PCDHAC2: variants seen among roughly 807,000 people sequenced by gnomAD.
PCDHAC2 encodes the protein protocadherin alpha subfamily C, 2.
Under a neutral mutation model 63.3 loss-of-function variants are expected in PCDHAC2, and 24 were observed. The observed-to-expected ratio is 0.38, with a 90% CI of 0.27 to 0.53. The LOEUF (loss-of-function observed/expected upper bound fraction) is 0.53, where lower values mean the gene tolerates loss of function less well. PCDHAC2 is among the 20% of genes least tolerant of loss of function. The probability of loss-of-function intolerance (pLI) is 0.81; values close to 1 mark genes in which losing one functional copy is unlikely to be tolerated. For missense variants in PCDHAC2, 1,181 were observed against 1,275.2 expected, an observed-to-expected ratio of 0.93 and a Z score of 1.12; for synonymous variants, 569 against 529.4, an observed-to-expected ratio of 1.07 and a Z score of -1.03.
chr5:140,993,462 TCACACACACACACACACACACACA>T (rs3836747), intron 3 of PCDHAC2, among the ~76,000 whole-genome samples: 3 of 140,938 alleles, frequency 2.1e-5, no homozygotes, highest in African/African-American at 5.3e-5. Flanking sequence ...TCTTTCTTTC[TCACACACACACACACACACACACA>T]CACACACACA....
intron 1 of PCDHAC2, among the ~76,000 whole-genome samples, chr5:140,974,558 C>A (rs984567503): frequency 4.5e-4 from 68 of 152,132 alleles, no homozygotes; most frequent in African/African-American, 1.6e-3. Context: ...GTTGCCCAGG[C>A]TGGAGTGCAA....
rs145919251 is a variant in PCDHAC2, at chr5:140,979,502, C to T, written c.2624+495C>T. On this transcript the variant is annotated intron_variant, in intron 2 of 3. Coordinates refer to ENST00000289269, the MANE Select transcript of PCDHAC2 (RefSeq NM_018899.6). Reference sequence around the variant, plus strand: ...GTGTTCACACCTATTAGAGCCTCCTCATCTTTCCCATCTGTTGCTATCTTA... The same window carrying T: ...GTGTTCACACCTATTAGAGCCTCCTTATCTTTCCCATCTGTTGCTATCTTA... 1.1e-3 allele frequency among the ~76,000 whole-genome samples: 170 copies of T among 152,258 alleles called. 4 individuals are homozygous for T. In the East Asian group the frequency reaches 0.028, roughly 25 times the overall value.
intron 3 of PCDHAC2, among the ~76,000 whole-genome samples, chr5:140,985,001 G>A (rs1554246727): frequency 1.3e-5 from 2 of 151,944 alleles, no homozygotes; most frequent in South Asian, 2.1e-4. Flanking sequence ...CCAGTGGCAC[G>A]ATATCGGCTC....
At chr5:140,993,543 G>C (rs1263683239) in intron 3 of PCDHAC2, among the ~76,000 whole-genome samples, 1 of 151,590 alleles carries the variant, frequency 6.6e-6, no homozygotes, top group Non-Finnish European at 1.5e-5. Context: ...GAGAGATAGA[G>C]AAGTGAAGTA....
intron 2 of PCDHAC2, among the ~76,000 whole-genome samples, chr5:140,980,905 A>G (rs182283088): frequency 1.5e-4 from 23 of 152,274 alleles, no homozygotes; most frequent in Admixed American, 1.4e-3. Context: ...ACATCATGTA[A>G]CTATTCTTTA....
chr5:141,004,869 A>T (rs908726845), intron 3 of PCDHAC2, among the ~76,000 whole-genome samples: 3 of 152,218 alleles, frequency 2.0e-5, no homozygotes, highest in Non-Finnish European at 2.9e-5. Flanking sequence ...TTTGTTTCTC[A>T]TCCCTAAAGT....
At chr5:140,971,807 T>C in intron 1 of PCDHAC2, among the ~76,000 whole-genome samples, 1 of 152,270 alleles carries the variant, frequency 6.6e-6, no homozygotes, top group Middle Eastern at 3.4e-3. Context: ...TATTATAATA[T>C]TGAATACATA....
At position 141,010,397 on chromosome 5, in the gene PCDHAC2, A is replaced by C; in HGVS notation, c.*460A>C. On this transcript the variant is annotated 3_prime_UTR_variant, in exon 4 of 4. Coordinates refer to ENST00000289269, the MANE Select transcript of PCDHAC2 (RefSeq NM_018899.6). ...TGCCAGATATTGGCTGAGACGAGCC[A>C]GCTTAGACTAATTGGTACAAGGAAG... 7.5e-7 allele frequency: 1 copy of C among 1,329,462 alleles called. No individual in the cohort carries two copies. The highest frequency in any genetic ancestry group is 1.0e-6 in the Non-Finnish European group (1 of 994,158). The allele number at this position is 1,329,462 out of a possible 1,614,324, so 82.4% of individuals were successfully genotyped here.
chr5:140,966,955 C>T lies in PCDHAC2; in HGVS notation c.189C>T (p.Arg63=). The change falls in exon 1 of 4, where the codon CGC becomes CGT. Residue 63 remains arginine (R), a synonymous_variant. Coordinates refer to ENST00000289269, the MANE Select transcript of PCDHAC2 (RefSeq NM_018899.6). ...APGALVGNVA[R]ALGLELRRLG... Reference sequence around the variant, plus strand: ...GCGCGCTCGTGGGCAACGTGGCTCGCGCGCTGGGGCTTGAGCTGCGGCGCT... The same window carrying T: ...GCGCGCTCGTGGGCAACGTGGCTCGTGCGCTGGGGCTTGAGCTGCGGCGCT... 6.2e-7 allele frequency: 1 copy of T among 1,602,734 alleles called. No homozygotes were observed. The highest frequency in any genetic ancestry group is 2.2e-5 in the East Asian group (1 of 44,646).
chr5:141,011,104 C>G lies in PCDHAC2; in HGVS notation c.*1167C>G, dbSNP rs1396728499. The G allele has an allele frequency of 6.5e-6, 1 of 153,844 alleles. No homozygotes were observed. Among genetic ancestry groups the G allele is most frequent in the Non-Finnish European group, 1.5e-5 (1 of 68,020 alleles). The allele number at this position is 153,844 out of a possible 1,614,324, so 9.5% of individuals were successfully genotyped here. A position where few individuals can be genotyped will look rare whatever the true frequency, so the allele number is the denominator to read the frequency against. On this transcript the variant is annotated 3_prime_UTR_variant, in exon 4 of 4. Transcript: ENST00000289269. ...GATCTCTCTTTCTCTCTCTCTCTCT[C>G]TTTTCTAAGAAACAATTATGTGCAC... is the stretch of plus-strand genomic sequence containing the variant.
chr5:140,982,765 C>T (rs1345701735), intron 3 of PCDHAC2, among the ~76,000 whole-genome samples: 2 of 151,722 alleles, frequency 1.3e-5, no homozygotes, highest in African/African-American at 2.4e-5. Flanking sequence ...AAAAGGATAA[C>T]AAGGAAAGTG....
rs941007574 is a variant in PCDHAC2, at chr5:141,010,090, C to T, written c.*153C>T. 1.9e-6 allele frequency: 3 copies of T among 1,612,518 alleles called. No individual in the cohort carries two copies. Among genetic ancestry groups the T allele is most frequent in the Non-Finnish European group, 2.5e-6 (3 of 1,179,284 alleles). ...AAGTTCCCTGTGTCTGTCTAGAACG[C>T]ATTTAACAGGTTTTGTCGTAAAAGC... is the stretch of plus-strand genomic sequence containing the variant. On this transcript the variant is annotated 3_prime_UTR_variant, in exon 4 of 4. Coordinates refer to ENST00000289269, the MANE Select transcript of PCDHAC2 (RefSeq NM_018899.6).
chr5:140,982,441 T>G (rs368663739), intron 2 of PCDHAC2, 34 bp from the exon 3 acceptor site: 18 of 1,613,728 alleles, frequency 1.1e-5, no homozygotes, highest in Non-Finnish European at 1.5e-5. Flanking sequence ...GAATTTATGA[T>G]CTAACCGTTA....
In PCDHAC2 at chr5:140,967,747, A is replaced by G. The variant is rs782650276; in HGVS notation, c.981A>G (p.Glu327=). 36 of 1,614,042 alleles carry G rather than the reference A, an allele frequency of 2.2e-5. No homozygotes were observed. Among genetic ancestry groups the G allele is most frequent in the Non-Finnish European group, 3.0e-5 (35 of 1,180,020 alleles). ...TAATTGGGGGGCTGGATTATGAGGA[A>G]GCCTCCTCCTACCAGATCTATGTGC... ...VRVIGGLDYE[E]ASSYQIYVQA... The change falls in exon 1 of 4, where the codon GAA becomes GAG. Residue 327 remains glutamate, a synonymous_variant. Coordinates refer to ENST00000289269, the MANE Select transcript of PCDHAC2 (RefSeq NM_018899.6).
In PCDHAC2 at chr5:141,010,436, G is replaced by C; in HGVS notation, c.*499G>C. 2 of 1,038,344 alleles carry C rather than the reference G, an allele frequency of 1.9e-6. No individual in the cohort carries two copies. Among genetic ancestry groups the C allele is most frequent in the Admixed American group, 5.8e-5 (2 of 34,296 alleles). The allele number at this position is 1,038,344 out of a possible 1,614,324, so 64.3% of individuals were successfully genotyped here. A position where few individuals can be genotyped will look rare whatever the true frequency, so the allele number is the denominator to read the frequency against. On this transcript the variant is annotated 3_prime_UTR_variant, in exon 4 of 4. Coordinates refer to ENST00000289269, the MANE Select transcript of PCDHAC2 (RefSeq NM_018899.6). The stretch of plus-strand genomic sequence containing the variant: ...GGTACAAGGAAGGCAAGAAAACAAA[G>C]ACAAATAAACAGCGGAAGTTATCAG...
chr5:140,978,898 G>A (rs2096827765), intron 1 of PCDHAC2, 51 bp from the exon 2 acceptor site: 1 of 1,612,868 alleles, frequency 6.2e-7, no homozygotes. Flanking sequence ...GCATTCCTGG[G>A]AGAACATTGT....
At chr5:140,991,985 A>G (rs114196704) in intron 3 of PCDHAC2, among the ~76,000 whole-genome samples, 1,827 of 150,246 alleles carry the variant, frequency 0.012, 17 homozygotes, top group Non-Finnish European at 0.019. Context: ...TCTGCCTACC[A>G]CCCGGTCTTT....
At chr5:141,009,389 G>A (rs1234679148) in intron 3 of PCDHAC2, among the ~76,000 whole-genome samples, 1 of 152,178 alleles carries the variant, frequency 6.6e-6, no homozygotes, top group Non-Finnish European at 1.5e-5. Context: ...AGCACAGGAG[G>A]TCGAGGCTGC....
At chr5:141,008,126 G>A (rs2098361949) in intron 3 of PCDHAC2, among the ~76,000 whole-genome samples, 1 of 152,178 alleles carries the variant, frequency 6.6e-6, no homozygotes, top group African/African-American at 2.4e-5. Context: ...TCAAGAAGGG[G>A]ATGACAAATG....
Sources: gnomAD v4.1 joint callset for allele counts (sites outside exome capture counted in the v4.1 genomes callset) on GRCh38, gnomAD v4.1.1 for gene constraint, MANE v1.5 for transcripts, NCBI Gene and HGNC (gene_info 2026-07-23, HGNC 2026-07-21) for gene names.